SPAG16: variants seen among roughly 807,000 people sequenced by gnomAD.
SPAG16 encodes the protein sperm-associated antigen 16 protein.
In SPAG16, 86 loss-of-function variants were observed where a neutral mutation model predicts 80.4. The observed-to-expected ratio is 1.07, with a 90% CI of 0.90 to 1.28. The LOEUF is 1.28. Among genes scored for constraint, SPAG16 ranks in the 50% most tolerant of loss-of-function variants. The pLI is 0.00. For missense variants in SPAG16, 870 were observed against 765.3 expected (o/e 1.14, Z -1.61); for synonymous variants, 294 against 265.9 (o/e 1.11, Z -1.03).
chr2:214,309,240 G>T (rs1695124486), intron 15 of SPAG16, among the ~76,000 whole-genome samples: 1 of 151,784 alleles, frequency 6.6e-6, no homozygotes, highest in African/African-American at 2.4e-5. Context: ...TGTCAGGGTG[G>T]CTATGTTCTT....
intron 6 of SPAG16, among the ~76,000 whole-genome samples, chr2:213,341,270 A>T (rs1227443881): frequency 1.3e-5 from 2 of 152,146 alleles, no homozygotes; most frequent in Non-Finnish European, 2.9e-5. Context: ...CAAGTCACAA[A>T]ACTGGGTATC....
At chr2:214,324,558 A>G in intron 15 of SPAG16, among the ~76,000 whole-genome samples, 1 of 152,204 alleles carries the variant, frequency 6.6e-6, no homozygotes, top group East Asian at 1.9e-4. Flanking sequence ...GTATTTTGTG[A>G]ACATTCCTAG....
At chr2:214,326,229 A>C (rs2126002455) in intron 15 of SPAG16, among the ~76,000 whole-genome samples, 1 of 149,546 alleles carries the variant, frequency 6.7e-6, no homozygotes, top group Non-Finnish European at 1.5e-5. Flanking sequence ...AAGGAGACAA[A>C]ACAGAACAGA....
chr2:214,150,588 C>T (rs1375510414), intron 15 of SPAG16, among the ~76,000 whole-genome samples: 2 of 152,040 alleles, frequency 1.3e-5, no homozygotes, highest in Admixed American at 6.6e-5. Context: ...TTTTCATAAA[C>T]ATTTCACATC....
intron 11 of SPAG16, among the ~76,000 whole-genome samples, chr2:213,889,279 A>G (rs2556314): frequency 0.027 from 4,042 of 152,012 alleles, 204 homozygotes; most frequent in African/African-American, 0.092. Flanking sequence ...TAAATATATC[A>G]TCTAAAAGAT....
At chr2:214,044,074 G>A (rs554151490) in intron 13 of SPAG16, among the ~76,000 whole-genome samples, 2 of 151,952 alleles carry the variant, frequency 1.3e-5, no homozygotes, top group African/African-American at 4.8e-5. Flanking sequence ...GAGGTGTGGT[G>A]GATTATTCCC....
intron 10 of SPAG16, among the ~76,000 whole-genome samples, chr2:213,796,366 C>T (rs1246825297): frequency 6.6e-6 from 1 of 152,152 alleles, no homozygotes; most frequent in Non-Finnish European, 1.5e-5. Flanking sequence ...ATATTTGTCT[C>T]TTCTGGACAT....
intron 10 of SPAG16, among the ~76,000 whole-genome samples, chr2:213,668,572 G>A (rs186876508): frequency 3.9e-5 from 6 of 152,150 alleles, no homozygotes; most frequent in African/African-American, 1.4e-4. Flanking sequence ...ACAGTTCTTT[G>A]GGTATCAGGT....
chr2:214,076,994 G>A (rs1171989714), intron 13 of SPAG16, among the ~76,000 whole-genome samples: 4 of 152,048 alleles, frequency 2.6e-5, no homozygotes, highest in Admixed American at 6.6e-5. Flanking sequence ...CAGGCCGCCT[G>A]GAGGAGTGTG....
intron 1 of SPAG16, among the ~76,000 whole-genome samples, chr2:213,292,675 ACAAAAAAAAC>A (rs1488859418): frequency 5.6e-5 from 7 of 125,848 alleles, no homozygotes; most frequent in African/African-American, 1.9e-4. Context: ...AAAAAAAAAA[ACAAAAAAAAC>A]AAAAAAAAAC....
intron 10 of SPAG16, among the ~76,000 whole-genome samples, chr2:213,598,049 T>C (rs2060941641): frequency 6.6e-6 from 1 of 152,182 alleles, no homozygotes; most frequent in East Asian, 1.9e-4. Flanking sequence ...TAGCCAGGCT[T>C]CCTCTCTCTT....
At chr2:214,375,804 C>T (rs1371392914) in intron 15 of SPAG16, among the ~76,000 whole-genome samples, 1 of 152,012 alleles carries the variant, frequency 6.6e-6, no homozygotes, top group Admixed American at 6.6e-5. Flanking sequence ...AACATATCTA[C>T]AGTTGGTAAT....
At chr2:213,351,729 A>C (rs2065339057) in intron 7 of SPAG16, among the ~76,000 whole-genome samples, 1 of 152,196 alleles carries the variant, frequency 6.6e-6, no homozygotes, top group East Asian at 1.9e-4. Flanking sequence ...GACATGCTTT[A>C]ATCAAGTTTA....
intron 13 of SPAG16, among the ~76,000 whole-genome samples, chr2:214,054,906 C>G (rs1309375744): frequency 6.6e-6 from 1 of 151,984 alleles, no homozygotes; most frequent in African/African-American, 2.4e-5. Context: ...ATAATTTGTC[C>G]CAATCTGGAG....
intron 9 of SPAG16, among the ~76,000 whole-genome samples, chr2:213,443,898 A>G (rs11677794): frequency 0.17 from 26,515 of 152,026 alleles, 3,131 homozygotes; most frequent in Non-Finnish European, 0.26. Context: ...CTCTCACTCC[A>G]ATTCAGGCTC....
chr2:214,366,213 T>A (rs1699470934), intron 15 of SPAG16, among the ~76,000 whole-genome samples: 1 of 152,178 alleles, frequency 6.6e-6, no homozygotes, highest in African/African-American at 2.4e-5. Context: ...TCTGACTTTG[T>A]GATCCTCCTG....
At chr2:214,118,935 C>G (rs184555011) in intron 14 of SPAG16, among the ~76,000 whole-genome samples, 5 of 152,110 alleles carry the variant, frequency 3.3e-5, no homozygotes, top group Non-Finnish European at 5.9e-5. Flanking sequence ...AGGTATCATA[C>G]TACCTGACAT....
intron 15 of SPAG16, among the ~76,000 whole-genome samples, chr2:214,233,310 A>G (rs1688831762): frequency 6.6e-6 from 1 of 151,550 alleles, no homozygotes; most frequent in Admixed American, 6.6e-5. Context: ...AGCCTTCTGT[A>G]TATGTGCCCT....
intron 15 of SPAG16, among the ~76,000 whole-genome samples, chr2:214,396,501 T>C (rs1701390137): frequency 6.6e-6 from 1 of 152,140 alleles, no homozygotes; most frequent in Non-Finnish European, 1.5e-5. Flanking sequence ...GTTTTTATTT[T>C]CCAAGCATAC....
Sources: allele counts gnomAD v4.1 joint callset (sites outside exome capture counted in the v4.1 genomes callset), GRCh38; gene constraint gnomAD v4.1.1; transcripts MANE v1.5; gene names NCBI Gene and HGNC (gene_info 2026-07-23, HGNC 2026-07-21).